Variants in TG observed in about 807,000 individuals in gnomAD.
TG encodes the protein thyroid hormones.
Under a neutral mutation model 324.7 loss-of-function variants are expected in TG, and 270 were observed. That is an observed-to-expected ratio of 0.83 (90% CI 0.75 to 0.92). TG has a LOEUF of 0.92. Ranked by LOEUF, TG falls within the 40% of genes least tolerant of loss-of-function variation. The pLI, the probability that TG is intolerant of heterozygous loss-of-function variation, is 0.00. For missense variants in TG, 3,591 were observed against 3,456.4 expected, an observed-to-expected ratio of 1.04 and a Z score of -0.98; for synonymous variants, 1,401 against 1,327.0, an observed-to-expected ratio of 1.06 and a Z score of -1.21.
At chr8:133,125,669 G>A (rs1351655424) in intron 45 of TG, among the ~76,000 whole-genome samples, 1 of 152,228 alleles carries the variant, frequency 6.6e-6, no homozygotes, top group Non-Finnish European at 1.5e-5. Context: ...ATCTTAAGAT[G>A]CCTGGGGGAT....
intron 35 of TG, among the ~76,000 whole-genome samples, chr8:132,987,859 C>A (rs1047679234): frequency 6.6e-6 from 1 of 152,106 alleles, no homozygotes; most frequent in Non-Finnish European, 1.5e-5. Flanking sequence ...CTGGTGCCTT[C>A]AAACCAGCTA....
In TG at chr8:132,869,045, A is replaced by C. The variant is rs560175109; in HGVS notation, c.177-684A>C. Reference sequence around the variant, plus strand: ...TGCTAGAGCAGTCCCTGCTTAGATCACTGGGAATTCTGGAACAGCAAGGAA... The same window carrying C: ...TGCTAGAGCAGTCCCTGCTTAGATCCCTGGGAATTCTGGAACAGCAAGGAA... On this transcript the variant is annotated intron_variant, in intron 2 of 47. Transcript: ENST00000220616. Among the ~76,000 whole-genome samples, 7 of 152,272 alleles carry C rather than the reference A, an allele frequency of 4.6e-5. No homozygotes were observed. In the South Asian group the frequency reaches 1.5e-3, roughly 32 times the overall value.
chr8:133,085,804 G>C (rs1170194240), intron 41 of TG, among the ~76,000 whole-genome samples: 2 of 152,194 alleles, frequency 1.3e-5, no homozygotes, highest in African/African-American at 4.8e-5. Context: ...TTGACAAACA[G>C]TTTGGCAACT....
intron 41 of TG, chr8:133,049,362 C>T (rs967945013): frequency 6.4e-6 from 2 of 313,332 alleles, no homozygotes; most frequent in Non-Finnish European, 1.3e-5. Context: ...CGAGTGCTTA[C>T]TGTAATGCCT....
At chr8:133,041,323 A>G (rs1416265508) in intron 41 of TG, among the ~76,000 whole-genome samples, 3 of 152,238 alleles carry the variant, frequency 2.0e-5, no homozygotes, top group African/African-American at 4.8e-5. Flanking sequence ...AACAAAAGGA[A>G]TTTGTAGCAG....
At chr8:133,121,525 G>A (rs1304754728) in intron 45 of TG, among the ~76,000 whole-genome samples, 1 of 152,192 alleles carries the variant, frequency 6.6e-6, no homozygotes, top group African/African-American at 2.4e-5. Context: ...ACATTTTATA[G>A]TAGCGGTATT....
chr8:133,117,452 A>G (rs1426528452), intron 45 of TG, among the ~76,000 whole-genome samples: 2 of 152,200 alleles, frequency 1.3e-5, no homozygotes, highest in African/African-American at 4.8e-5. Flanking sequence ...GGCGCTTTGA[A>G]TGGAGGACTA....
intron 27 of TG, among the ~76,000 whole-genome samples, chr8:132,957,764 C>CACACACACACACAG (rs1554680138): frequency 2.0e-4 from 27 of 135,408 alleles, no homozygotes; most frequent in East Asian, 6.3e-4. Flanking sequence ...CACACACACA[C>CACACACACACACAG]ACACACACAC....
chr8:132,991,894 A>G (rs1832386405), intron 35 of TG, among the ~76,000 whole-genome samples: 1 of 152,030 alleles, frequency 6.6e-6, no homozygotes, highest in Non-Finnish European at 1.5e-5. Context: ...AGAGATTGAG[A>G]AGGAAAAAGA....
At position 133,047,960 on chromosome 8, in the gene TG, G is replaced by A. The variant is rs764827128; in HGVS notation, c.7239+17937G>A. ...TGGGAAGGAGGAAGACAGCCATTAG[G>A]ATCCGGAACAAGCCCTCCCCCAGGA... On this transcript the variant is annotated intron_variant, in intron 41 of 47. Coordinates refer to ENST00000220616, the MANE Select transcript of TG (RefSeq NM_003235.5). The A allele has an allele frequency of 1.4e-5, 20 of 1,433,720 alleles. No individual in the cohort carries two copies. The Admixed American group carries it at 2.5e-4, about 18-fold the overall frequency. 88.8% of individuals were successfully genotyped at this position (1,433,720 alleles called of 1,614,324 possible). A position where few individuals can be genotyped will look rare whatever the true frequency, so the allele number is the denominator to read the frequency against.
At chr8:133,023,903 C>G (rs1835782060) in intron 40 of TG, among the ~76,000 whole-genome samples, 1 of 152,186 alleles carries the variant, frequency 6.6e-6, no homozygotes, top group Non-Finnish European at 1.5e-5. Context: ...ACGGAAGCTT[C>G]CAGAACACCC....
chr8:132,933,573 A>G lies in TG; in HGVS notation c.4829A>G (p.Asp1610Gly), dbSNP rs756415023. ...ATGGTGCTTGCAGATTGCACAGAGGACGAGGCCTGCAGCTTCTTCACCGTG... is the reference window on the plus strand; with the variant it reads ...ATGGTGCTTGCAGATTGCACAGAGGGCGAGGCCTGCAGCTTCTTCACCGTG... ...VMQCLTDCTE[D>G]EACSFFTVST... is the part of the protein sequence containing the mutation. Residue 1610 changes from aspartate to glycine, a missense_variant, in exon 24 of 48, where the codon GAC becomes GGC. Coordinates refer to ENST00000220616, the MANE Select transcript of TG (RefSeq NM_003235.5). The G allele has an allele frequency of 3.7e-6, 6 of 1,613,928 alleles. No individual in the cohort carries two copies. The highest frequency in any genetic ancestry group is 5.1e-6 in the Non-Finnish European group (6 of 1,179,970).
At chr8:132,941,230 C>A in intron 25 of TG, 121 bp from the exon 26 acceptor site, 1 of 1,211,148 alleles carries the variant, frequency 8.3e-7, no homozygotes, top group Non-Finnish European at 1.2e-6. Flanking sequence ...CATCTTGGCC[C>A]ACACGCTGCC....
intron 44 of TG, 25 bp from the exon 45 acceptor site, chr8:133,116,584 T>C (rs375442904): frequency 1.0e-5 from 16 of 1,599,110 alleles, no homozygotes; most frequent in Non-Finnish European, 1.4e-5. Context: ...TTAACCAGAC[T>C]CCCCCCATGT....
At chr8:132,989,559 T>G (rs1832045680) in intron 35 of TG, among the ~76,000 whole-genome samples, 1 of 152,180 alleles carries the variant, frequency 6.6e-6, no homozygotes, top group Non-Finnish European at 1.5e-5. Flanking sequence ...TCTCCTGACC[T>G]CATCCTGGAG....
At chr8:133,031,198 T>C (rs1468824904) in intron 41 of TG, among the ~76,000 whole-genome samples, 1 of 152,216 alleles carries the variant, frequency 6.6e-6, no homozygotes, top group African/African-American at 2.4e-5. Flanking sequence ...AGGTGCCTCA[T>C]ATTAGTGTAA....
chr8:133,062,472 C>G (rs1381239989), intron 41 of TG, among the ~76,000 whole-genome samples: 1 of 152,274 alleles, frequency 6.6e-6, no homozygotes, highest in Non-Finnish European at 1.5e-5. Flanking sequence ...CTGGGCATCT[C>G]CCCGGTGCCG....
intron 33 of TG, 104 bp downstream of exon 33, chr8:132,971,977 G>A (rs936295936): frequency 5.4e-5 from 46 of 857,640 alleles, no homozygotes; most frequent in African/African-American, 2.7e-4. Context: ...TCCTATCCTC[G>A]TTCACAGATA....
chr8:133,099,623 C>G (rs751224505), intron 43 of TG, among the ~76,000 whole-genome samples: 1 of 152,206 alleles, frequency 6.6e-6, no homozygotes, highest in African/African-American at 2.4e-5. Flanking sequence ...GATTCCACCT[C>G]TGCTCCCATC....
Sources: allele counts gnomAD v4.1 joint callset (sites outside exome capture counted in the v4.1 genomes callset), GRCh38; gene constraint gnomAD v4.1.1; transcripts MANE v1.5; gene names NCBI Gene and HGNC (gene_info 2026-07-23, HGNC 2026-07-21).